The following NTF3 variants were observed in gnomAD, a reference collection of about 807,000 sequenced individuals.
The protein encoded by NTF3 is neurotrophin-3.
NTF3 carries 8 observed loss-of-function variants against 26.3 expected under a neutral mutation model. The ratio of observed to expected loss-of-function variants is 0.30; its 90% confidence interval spans 0.18 to 0.55. NTF3 has a LOEUF of 0.55. Ranked by LOEUF, NTF3 falls within the 20% of genes least tolerant of loss-of-function variation. The pLI is 0.93. For synonymous variants in NTF3, 154 were observed against 145.5 expected (o/e 1.06, Z -0.42); for missense variants, 276 against 352.9 (o/e 0.78, Z 1.75).
chr12:5,459,103 C>A (rs1940492721), intron 1 of NTF3, among the ~76,000 whole-genome samples: 1 of 152,154 alleles, frequency 6.6e-6, no homozygotes, highest in African/African-American at 2.4e-5. Flanking sequence ...CTCCATTTTT[C>A]CCCTGGTGAG....
At chr12:5,440,074 C>T (rs1940218572) in intron 1 of NTF3, among the ~76,000 whole-genome samples, 1 of 152,020 alleles carries the variant, frequency 6.6e-6, no homozygotes, top group African/African-American at 2.4e-5. Context: ...TGGATGTTGC[C>T]CTGTTTGAAG....
intron 1 of NTF3, among the ~76,000 whole-genome samples, chr12:5,445,353 C>T (rs1940292706): frequency 6.7e-6 from 1 of 150,052 alleles, no homozygotes; most frequent in Non-Finnish European, 1.5e-5. Flanking sequence ...GTTTTAAAGT[C>T]TCCTGAAAAT....
At chr12:5,478,732 A>C (rs1038896590) in intron 1 of NTF3, among the ~76,000 whole-genome samples, 2 of 152,276 alleles carry the variant, frequency 1.3e-5, no homozygotes, top group African/African-American at 4.8e-5. Flanking sequence ...ATAAATCTTC[A>C]AATAAACGAC....
intron 1 of NTF3, among the ~76,000 whole-genome samples, chr12:5,488,745 T>A (rs1178915471): frequency 6.6e-6 from 1 of 152,144 alleles, no homozygotes; most frequent in African/African-American, 2.4e-5. Context: ...TGGCAGGATG[T>A]CTCCTGAGCC....
intron 1 of NTF3, among the ~76,000 whole-genome samples, chr12:5,457,977 A>C (rs1940473867): frequency 6.6e-6 from 1 of 151,998 alleles, no homozygotes; most frequent in Non-Finnish European, 1.5e-5. Context: ...CAAAACCACC[A>C]TTGTCTCTTG....
intron 1 of NTF3, among the ~76,000 whole-genome samples, chr12:5,439,371 G>A (rs1198563738): frequency 6.6e-6 from 1 of 152,232 alleles, no homozygotes; most frequent in Non-Finnish European, 1.5e-5. Context: ...CCTGAAGTCT[G>A]TGGCATCCCA....
chr12:5,484,118 T>C (rs1940839990), intron 1 of NTF3, among the ~76,000 whole-genome samples: 1 of 152,214 alleles, frequency 6.6e-6, no homozygotes, highest in African/African-American at 2.4e-5. Context: ...ATACACTGAC[T>C]GCTCTGTGTG....
intron 1 of NTF3, among the ~76,000 whole-genome samples, chr12:5,488,563 T>A (rs1369694514): frequency 2.0e-5 from 3 of 152,220 alleles, no homozygotes; most frequent in Admixed American, 6.5e-5. Context: ...GCAAAGCCAG[T>A]GTGAATTAAT....
upstream of NTF3, among the ~76,000 whole-genome samples, chr12:5,431,770 T>G (rs926564627): frequency 2.0e-5 from 3 of 152,178 alleles, no homozygotes; most frequent in Non-Finnish European, 4.4e-5. Flanking sequence ...GACACTAACA[T>G]GTAACCTGTT....
intron 1 of NTF3, among the ~76,000 whole-genome samples, chr12:5,439,922 G>A (rs1371393574): frequency 6.6e-6 from 1 of 152,156 alleles, no homozygotes; most frequent in African/African-American, 2.4e-5. Flanking sequence ...TGGGGGGCAG[G>A]GGTCACTGCT....
intron 1 of NTF3, among the ~76,000 whole-genome samples, chr12:5,481,961 A>G (rs1940811322): frequency 6.6e-6 from 1 of 152,008 alleles, no homozygotes; most frequent in Admixed American, 6.5e-5. Flanking sequence ...CACAGCACAC[A>G]CACACACAGA....
chr12:5,492,693 T>G (rs114273144), intron 1 of NTF3, among the ~76,000 whole-genome samples: 1,928 of 152,278 alleles, frequency 0.013, 34 homozygotes, highest in African/African-American at 0.044. Flanking sequence ...GGTCTCCTTA[T>G]CACAGCAGCA....
At chr12:5,467,973 C>G (rs895578417) in intron 1 of NTF3, among the ~76,000 whole-genome samples, 9 of 152,174 alleles carry the variant, frequency 5.9e-5, no homozygotes, top group African/African-American at 2.2e-4. Flanking sequence ...TCCCCACCTC[C>G]CTACCATGCC....
chr12:5,461,667 C>G (rs556387906), intron 1 of NTF3, among the ~76,000 whole-genome samples: 9 of 152,214 alleles, frequency 5.9e-5, no homozygotes, highest in Non-Finnish European at 1.3e-4. Context: ...AGCAACAGCC[C>G]TCTGTCAATA....
At chr12:5,444,490 A>G (rs1246015322) in intron 1 of NTF3, among the ~76,000 whole-genome samples, 1 of 152,198 alleles carries the variant, frequency 6.6e-6, no homozygotes, top group Non-Finnish European at 1.5e-5. Context: ...TGAAAGTAGG[A>G]GGAGATGGGG....
At chr12:5,440,189 C>G (rs1358745838) in intron 1 of NTF3, among the ~76,000 whole-genome samples, 1 of 152,194 alleles carries the variant, frequency 6.6e-6, no homozygotes, top group Non-Finnish European at 1.5e-5. Flanking sequence ...TGTTCTGTTG[C>G]TTAAACATAT....
chr12:5,441,403 A>G (rs1249194935), intron 1 of NTF3, among the ~76,000 whole-genome samples: 1 of 152,212 alleles, frequency 6.6e-6, no homozygotes, highest in Non-Finnish European at 1.5e-5. Flanking sequence ...ATTGGAGGAT[A>G]TATTCTGTAC....
intron 1 of NTF3, among the ~76,000 whole-genome samples, chr12:5,491,445 G>T (rs1187260500): frequency 6.6e-6 from 1 of 152,180 alleles, no homozygotes; most frequent in Non-Finnish European, 1.5e-5. Context: ...GTCAGCCACT[G>T]GGAGAGCAGG....
intron 1 of NTF3, among the ~76,000 whole-genome samples, chr12:5,461,528 C>G (rs1168933520): frequency 2.0e-5 from 3 of 152,124 alleles, no homozygotes; most frequent in Non-Finnish European, 4.4e-5. Flanking sequence ...CTGCCTAAAC[C>G]CTGAAAGCAA....
Sources: allele counts gnomAD v4.1 joint callset (sites outside exome capture counted in the v4.1 genomes callset), GRCh38; gene constraint gnomAD v4.1.1; transcripts MANE v1.5; gene names NCBI Gene and HGNC (gene_info 2026-07-23, HGNC 2026-07-21).